Variants in SPTBN5 observed in about 807,000 individuals in gnomAD.
SPTBN5 encodes spectrin beta chain, non-erythrocytic 5.
In SPTBN5, 513 loss-of-function variants were observed where a neutral mutation model predicts 477.6. The ratio of observed to expected loss-of-function variants is 1.07; its 90% CI spans 1.00 to 1.16. The LOEUF is 1.16. Among genes scored for constraint, SPTBN5 ranks in the 50% most tolerant of loss-of-function variants. The pLI is 0.00. For missense variants in SPTBN5, 5,062 were observed against 4,731.8 expected, an observed-to-expected ratio of 1.07 and a Z score of -2.05; for synonymous variants, 2,169 against 2,011.7, an observed-to-expected ratio of 1.08 and a Z score of -2.09.
chr15:41,851,928 G>C (rs1286770992), intron 62 of SPTBN5, 78 bp from the exon 63 acceptor site: 1 of 1,188,708 alleles, frequency 8.4e-7, no homozygotes, highest in Non-Finnish European at 1.2e-6. Flanking sequence ...ACTGCCCCCA[G>C]CTCTCTTTAT....
intron 35 of SPTBN5, 150 bp downstream of exon 35, chr15:41,867,388 C>A: frequency 2.4e-6 from 2 of 818,936 alleles, no homozygotes; most frequent in East Asian, 2.6e-5. Context: ...GCCACACATA[C>A]AACTTGCTCA....
chr15:41,860,825 C>T, intron 46 of SPTBN5, 67 bp from the exon 47 acceptor site: 2 of 1,386,150 alleles, frequency 1.4e-6, no homozygotes, highest in Non-Finnish European at 1.9e-6. Context: ...TACCTGCCTT[C>T]CCACCTAGAA....
rs770210307 is a variant in SPTBN5 at position 41,863,768 on chromosome 15, C to T, written c.7085G>A (p.Gly2362Glu). The change falls in exon 41 of 68, where the codon GGG becomes GAG. Residue 2362 changes from glycine (G) to glutamate (E), a missense_variant. Transcript: ENST00000320955. The stretch of plus-strand genomic sequence containing the variant: ...GGACAACACGTGTATCTCCAAGGCC[C>T]CTTCGAGCTGCTGCTGGTACCGGAG... Reference protein sequence around the residue: ...NLLRYQQQLEGALEIHVLSRE... With the variant: ...NLLRYQQQLEEALEIHVLSRE... 8.1e-6 allele frequency: 13 copies of T among 1,613,802 alleles called. No individual in the cohort carries two copies. The highest frequency in any genetic ancestry group is 1.1e-5 in the Non-Finnish European group (13 of 1,179,888).
intron 1 of SPTBN5, 27 bp from the exon 2 acceptor site, chr15:41,893,573 A>G: frequency 6.6e-7 from 1 of 1,515,994 alleles, no homozygotes; most frequent in African/African-American, 1.4e-5. Flanking sequence ...TTAGGGGATG[A>G]TGTGAATGGA....
intron 59 of SPTBN5, 36 bp downstream of exon 59, chr15:41,853,222 C>T (rs72724186): frequency 0.1 from 156,866 of 1,555,168 alleles, 9,027 homozygotes; most frequent in Middle Eastern, 0.12. Flanking sequence ...GGCTGTATCC[C>T]CAGCCCAACC....
At chr15:41,853,234 C>G (rs2065831736) in intron 59 of SPTBN5, 24 bp downstream of exon 59, 1 of 1,564,754 alleles carries the variant, frequency 6.4e-7, no homozygotes, top group South Asian at 1.2e-5. Context: ...AGCCCAACCC[C>G]AGGCCCACCC....
At chr15:41,865,699 C>G in intron 39 of SPTBN5, 109 bp downstream of exon 39, 3 of 997,906 alleles carry the variant, frequency 3.0e-6, no homozygotes, top group Non-Finnish European at 4.4e-6. Flanking sequence ...ATAGGAGGAG[C>G]AGGCATGGCG....
chr15:41,870,531 G>T lies in SPTBN5; in HGVS notation c.5477C>A (p.Thr1826Asn), dbSNP rs761431853. The change falls in exon 30 of 68, where the codon ACC becomes AAC. Residue 1826 changes from threonine (T) to asparagine (N), a missense_variant. Coordinates refer to ENST00000320955, the MANE Select transcript of SPTBN5 (RefSeq NM_016642.4). ...TCGGAGCGCGTGGCCTCGGGCCTGG[G>T]TCAGCTCCCACAGCTCCGACCAGGC... is the stretch of plus-strand genomic sequence containing the variant. ...QTAWSELWEL[T>N]QARGHALRDT... 1 of 1,611,250 alleles carries T rather than the reference G, an allele frequency of 6.2e-7. No homozygotes were observed. Among genetic ancestry groups the T allele is most frequent in the South Asian group, 1.1e-5 (1 of 91,068 alleles).
At position 41,867,436 on chromosome 15, in the gene SPTBN5, C is replaced by T. The variant is rs554357912; in HGVS notation, c.6312+102G>A. 20 of 1,141,342 alleles carry T rather than the reference C, an allele frequency of 1.8e-5. No homozygotes were observed. In the South Asian group the frequency reaches 2.6e-4, roughly 15 times the overall value. 70.7% of individuals were successfully genotyped at this position (1,141,342 alleles called of 1,614,324 possible). A position where few individuals can be genotyped will look rare whatever the true frequency, so the allele number is the denominator to read the frequency against. ...CAGGACCCCAGCCTTGCAGGCTCAT[C>T]AGCACTGCCTCCAGGAACACACCAA... is the stretch of plus-strand genomic sequence containing the variant. On this transcript the variant is annotated intron_variant, in intron 35 of 67. Coordinates refer to ENST00000320955, the MANE Select transcript of SPTBN5 (RefSeq NM_016642.4).
intron 39 of SPTBN5, 62 bp downstream of exon 39, chr15:41,865,746 C>T: frequency 7.0e-7 from 1 of 1,425,028 alleles, no homozygotes; most frequent in South Asian, 1.3e-5. Context: ...TCTTTCCCTG[C>T]TCTCAGTTGG....
chr15:41,865,321 C>T (rs2066262693), intron 39 of SPTBN5, among the ~76,000 whole-genome samples: 1 of 152,186 alleles, frequency 6.6e-6, no homozygotes, highest in African/African-American at 2.4e-5. Context: ...GGCATATGTC[C>T]TATCTTTTTA....
At chr15:41,891,299 C>T (rs1404121114) in intron 3 of SPTBN5, among the ~76,000 whole-genome samples, 1 of 152,202 alleles carries the variant, frequency 6.6e-6, no homozygotes, top group Non-Finnish European at 1.5e-5. Flanking sequence ...TTCAGCCGGC[C>T]ACTACTAGCC....
chr15:41,851,644 C>T (rs940330801), intron 63 of SPTBN5, 135 bp downstream of exon 63: 3 of 693,666 alleles, frequency 4.3e-6, no homozygotes, highest in African/African-American at 3.6e-5. Context: ...AGCCAAACTG[C>T]CTGGACAGCA....
intron 26 of SPTBN5, among the ~76,000 whole-genome samples, chr15:41,873,063 G>A (rs1337231478): frequency 1.3e-5 from 2 of 152,322 alleles, no homozygotes; most frequent in East Asian, 1.9e-4. Flanking sequence ...CCTTCAGCCA[G>A]GGGATGTTTG....
Position 41,853,754 on chromosome 15 carries a change from G to A in SPTBN5, c.9808C>T (p.Arg3270Trp), listed in dbSNP as rs372023320. Residue 3270 changes from arginine to tryptophan, a missense_variant, in exon 58 of 68, where the codon CGG becomes TGG. By Grantham distance (101) the Arg-to-Trp change is moderately radical (BLOSUM62 -3). Transcript: ENST00000320955. Reference protein sequence around the residue: ...ELEAMEKEVARLQTEACRLGQ... With the variant: ...ELEAMEKEVAWLQTEACRLGQ... ...AGTCGGCAGGCCTCCGTCTGTAGCCGTGCCACCTCCTTCTCCATAGCTTCC... is the reference window on the plus strand; with the variant it reads ...AGTCGGCAGGCCTCCGTCTGTAGCCATGCCACCTCCTTCTCCATAGCTTCC... 2.8e-5 allele frequency: 44 copies of A among 1,578,080 alleles called. No homozygotes were observed. Among genetic ancestry groups the A allele is most frequent in the East Asian group, 2.3e-4 (10 of 43,184 alleles).
chr15:41,861,656 C>A, intron 45 of SPTBN5, 79 bp downstream of exon 45: 1 of 1,507,432 alleles, frequency 6.6e-7, no homozygotes. Context: ...CCAGTCTTAG[C>A]CTTGACCAGA....
In SPTBN5 at chr15:41,855,444, G is replaced by C. The variant is rs763562053; in HGVS notation, c.9219-16C>G. 1.3e-6 allele frequency: 2 copies of C among 1,595,664 alleles called. No individual in the cohort carries two copies. Among genetic ancestry groups the C allele is most frequent in the South Asian group, 1.1e-5 (1 of 90,292 alleles). On this transcript the variant is annotated splice_polypyrimidine_tract_variant and intron_variant, in intron 54 of 67. Transcript: ENST00000320955. ...CACCTTGGGGCTGTGGGAAGAGAGC[G>C]ACAGTCTGGACTGCAGCCCTGCCTT... is the stretch of plus-strand genomic sequence containing the variant.
intron 45 of SPTBN5, 109 bp downstream of exon 45, chr15:41,861,626 T>C: frequency 6.7e-7 from 1 of 1,502,074 alleles, no homozygotes; most frequent in Non-Finnish European, 9.0e-7. Context: ...GGTGGGGAAG[T>C]CCCTGGCACA....
Position 41,871,902 on chromosome 15 carries a change from C to G in SPTBN5, c.5181G>C (p.Glu1727Asp). 6.3e-7 allele frequency: 1 copy of G among 1,581,134 alleles called. No homozygotes were observed. Among genetic ancestry groups the G allele is most frequent in the Non-Finnish European group, 8.6e-7 (1 of 1,162,608 alleles). Reference sequence around the variant, plus strand: ...GGAACTCATGCAGCCTCAGGGTCCCCTCCAGTTCCCGGTCCCTGTGGTAAC... The same window carrying G: ...GGAACTCATGCAGCCTCAGGGTCCCGTCCAGTTCCCGGTCCCTGTGGTAAC... Reference protein sequence around the residue: ...ELAATRDRELEGTLRLHEFLR... With the variant: ...ELAATRDRELDGTLRLHEFLR... The change falls in exon 28 of 68, where the codon GAG becomes GAC. Residue 1727 changes from glutamate to aspartate, a missense_variant. Physicochemically the swap from Glu to Asp is conservative, Grantham distance 45. Transcript: ENST00000320955.
Sources: gnomAD v4.1 joint callset for allele counts (sites outside exome capture counted in the v4.1 genomes callset) on GRCh38, gnomAD v4.1.1 for gene constraint, MANE v1.5 for transcripts, NCBI Gene and HGNC (gene_info 2026-07-23, HGNC 2026-07-21) for gene names.